The following MAGI2 variants were observed in gnomAD, a reference collection of about 807,000 sequenced individuals.
MAGI2 encodes membrane associated guanylate kinase, WW and PDZ domain containing 2, also known as membrane-associated guanylate kinase, WW and PDZ domain-containing protein 2.
A neutral mutation model predicts 133.3 loss-of-function variants in MAGI2; 35 were observed. That is an observed-to-expected ratio of 0.26 (90% CI 0.20 to 0.35). The LOEUF is 0.35. MAGI2 is among the 10% of genes least tolerant of loss of function. MAGI2 has a pLI of 1.00. For synonymous variants in MAGI2, 729 were observed against 710.6 expected, an observed-to-expected ratio of 1.03 and a Z score of -0.41; for missense variants, 1,636 against 1,863.4, an observed-to-expected ratio of 0.88 and a Z score of 2.25.
rs528977563 is a variant in MAGI2 at position 78,528,244 on chromosome 7, C to CAA, written c.539-6601_539-6600dup. ...TGCTTGGCCTCTTTAATAGCACCTG[C>CAA]AAAAATTGACTCTGACGTTAAACAG... On this transcript the variant is annotated intron_variant, in intron 3 of 21. Coordinates refer to ENST00000354212, the MANE Select transcript of MAGI2 (RefSeq NM_012301.4). 1.3e-4 allele frequency among the ~76,000 whole-genome samples: 20 copies of CAA among 152,168 alleles called. No individual in the cohort carries two copies. In the South Asian group the frequency reaches 4.1e-3, roughly 32 times the overall value.
chr7:78,383,484 T>C (rs1795109812), intron 6 of MAGI2, among the ~76,000 whole-genome samples: 1 of 152,124 alleles, frequency 6.6e-6, no homozygotes, highest in Non-Finnish European at 1.5e-5. Flanking sequence ...TTTGATTTAT[T>C]TGTATATTCT....
intron 2 of MAGI2, among the ~76,000 whole-genome samples, chr7:78,665,816 G>T (rs1466950743): frequency 2.3e-4 from 35 of 152,006 alleles, no homozygotes; most frequent in Non-Finnish European, 1.5e-5. Flanking sequence ...ACTAATCTTT[G>T]TTGAACAACT....
intron 2 of MAGI2, among the ~76,000 whole-genome samples, chr7:78,994,854 A>G (rs1806128108): frequency 1.3e-5 from 2 of 152,010 alleles, no homozygotes; most frequent in Non-Finnish European, 2.9e-5. Context: ...TTCTATCCCC[A>G]TCACCCCCAC....
At chr7:78,518,407 A>G (rs1387035076) in intron 4 of MAGI2, 1 of 152,156 alleles carries the variant, frequency 6.6e-6, no homozygotes, top group Non-Finnish European at 1.5e-5. Context: ...TTACTAGGCA[A>G]AGTATCTCAG....
chr7:79,365,016 G>GA lies in MAGI2; in HGVS notation c.301+88003dup, dbSNP rs933725768. 9.3e-3 allele frequency among the ~76,000 whole-genome samples: 1,371 copies of GA among 147,206 alleles called. 7 individuals carry two copies. Among genetic ancestry groups the GA allele is most frequent in the African/African-American group, 0.024 (948 of 40,206 alleles). ...AACCACATATCTAACAAAGGAGTAG[G>GA]AAAAAAAAAACCTCTCAAAATATAA... On this transcript the variant is annotated intron_variant, in intron 1 of 21. Transcript: ENST00000354212.
chr7:78,857,758 T>C (rs544688361), intron 2 of MAGI2, among the ~76,000 whole-genome samples: 4 of 152,282 alleles, frequency 2.6e-5, no homozygotes, highest in South Asian at 4.1e-4. Flanking sequence ...CAGGATGATG[T>C]TGGCCTCATA....
chr7:78,737,000 T>C (rs187607130), intron 2 of MAGI2, among the ~76,000 whole-genome samples: 48 of 152,208 alleles, frequency 3.2e-4, no homozygotes, highest in Non-Finnish European at 5.6e-4. Context: ...GAAGTACTGT[T>C]TTTACTTGAA....
intron 2 of MAGI2, among the ~76,000 whole-genome samples, chr7:78,663,896 C>A (rs1364616953): frequency 1.3e-5 from 2 of 152,204 alleles, no homozygotes; most frequent in Non-Finnish European, 2.9e-5. Flanking sequence ...TTCTGATATT[C>A]CTAATGTTTC....
intron 1 of MAGI2, among the ~76,000 whole-genome samples, chr7:79,055,179 G>T (rs1222408961): frequency 6.6e-6 from 1 of 152,068 alleles, no homozygotes; most frequent in African/African-American, 2.4e-5. Flanking sequence ...CCTTGTTTCT[G>T]ATGTCCTCTG....
intron 1 of MAGI2, among the ~76,000 whole-genome samples, chr7:79,068,555 A>C (rs1213182877): frequency 6.6e-6 from 1 of 151,918 alleles, no homozygotes; most frequent in Non-Finnish European, 1.5e-5. Flanking sequence ...GGATTAATTG[A>C]TTTTTTGAAG....
At chr7:78,949,879 T>A (rs980034742) in intron 2 of MAGI2, among the ~76,000 whole-genome samples, 1 of 152,180 alleles carries the variant, frequency 6.6e-6, no homozygotes, top group East Asian at 1.9e-4. Context: ...CATAAGGCCT[T>A]GCTCCCCTTC....
chr7:78,847,337 C>T (rs1254995680), intron 2 of MAGI2, among the ~76,000 whole-genome samples: 1 of 151,824 alleles, frequency 6.6e-6, no homozygotes, highest in Non-Finnish European at 1.5e-5. Flanking sequence ...ATGATCACTC[C>T]ATAAACTAAA....
intron 1 of MAGI2, among the ~76,000 whole-genome samples, chr7:79,228,855 CTAATAG>C (rs936388089): frequency 8.6e-5 from 13 of 152,020 alleles, no homozygotes; most frequent in Non-Finnish European, 1.3e-4. Flanking sequence ...TTAGAGGATG[CTAATAG>C]GTACTGAGCA....
chr7:79,246,241 A>G (rs1294196450), intron 1 of MAGI2, among the ~76,000 whole-genome samples: 1 of 152,178 alleles, frequency 6.6e-6, no homozygotes, highest in Non-Finnish European at 1.5e-5. Context: ...ATGCCCAGAC[A>G]ACAACGAATA....
chr7:78,115,651 G>A (rs1819795060), intron 20 of MAGI2, among the ~76,000 whole-genome samples: 1 of 151,994 alleles, frequency 6.6e-6, no homozygotes, highest in Admixed American at 6.5e-5. Context: ...AATAACCTGA[G>A]TACCAAAAAA....
At chr7:79,230,381 T>C (rs1483955377) in intron 1 of MAGI2, among the ~76,000 whole-genome samples, 1 of 152,030 alleles carries the variant, frequency 6.6e-6, no homozygotes, top group African/African-American at 2.4e-5. Context: ...ACTTCCACAA[T>C]GGTTGAACTA....
chr7:79,059,902 A>T (rs151320637), intron 1 of MAGI2, among the ~76,000 whole-genome samples: 24 of 152,212 alleles, frequency 1.6e-4, no homozygotes, highest in African/African-American at 4.8e-4. Flanking sequence ...ACCTGTGCTC[A>T]CTAGTGAATT....
rs1562713018 is a variant in MAGI2, at chr7:78,955,741, CTTT to C, written c.418+51346_418+51348del. ...TTTCTTTCTCTTTCTTTCTTTCTTT[CTTT>C]CTTTCTTTCTTTCTTTCTTTCTTTC... On this transcript the variant is annotated intron_variant, in intron 2 of 21. Transcript: ENST00000354212. Among the ~76,000 whole-genome samples the C allele has an allele frequency of 3.5e-3, 210 of 60,690 alleles. 3 individuals carry two copies. Among genetic ancestry groups the C allele is most frequent in the African/African-American group, 0.01 (198 of 19,080 alleles). 39.8% of individuals were successfully genotyped at this position (60,690 alleles called of 152,430 possible).
chr7:78,191,245 A>T (rs1212183158), intron 12 of MAGI2, among the ~76,000 whole-genome samples: 3 of 151,750 alleles, frequency 2.0e-5, no homozygotes, highest in Admixed American at 2.0e-4. Flanking sequence ...TTTTGCACAG[A>T]GTTCTCCAGC....
Sources: gnomAD v4.1 joint callset for allele counts (sites outside exome capture counted in the v4.1 genomes callset) on GRCh38, gnomAD v4.1.1 for gene constraint, MANE v1.5 for transcripts, NCBI Gene and HGNC (gene_info 2026-07-23, HGNC 2026-07-21) for gene names.